JADE2: variants seen among roughly 807,000 people sequenced by gnomAD.
JADE2 encodes jade family PHD finger 2.
JADE2 carries 13 observed loss-of-function variants against 85.7 expected under a neutral mutation model. That is an observed-to-expected ratio of 0.15 (90% confidence interval 0.10 to 0.24). The LOEUF is 0.24. Ranked by LOEUF, JADE2 falls within the 10% of genes least tolerant of loss-of-function variation. The pLI, the probability that JADE2 is intolerant of heterozygous loss-of-function variation, is 1.00. For synonymous variants in JADE2, 440 were observed against 456.1 expected (o/e 0.96, Z 0.45); for missense variants, 846 against 1,115.9 (o/e 0.76, Z 3.45).
intron 4 of JADE2, among the ~76,000 whole-genome samples, chr5:134,555,008 G>A (rs970817236): frequency 2.6e-5 from 4 of 152,182 alleles, no homozygotes; most frequent in Non-Finnish European, 4.4e-5. Flanking sequence ...GGGCCTAGTG[G>A]GCTGGGCCAG....
intron 4 of JADE2, among the ~76,000 whole-genome samples, chr5:134,552,967 C>T (rs1366817713): frequency 2.1e-5 from 3 of 143,258 alleles, no homozygotes; most frequent in Admixed American, 1.5e-4. Flanking sequence ...GGTAGCCAGC[C>T]GTAAGCCTCT....
intron 4 of JADE2, among the ~76,000 whole-genome samples, chr5:134,557,306 A>T: frequency 7.5e-6 from 1 of 132,518 alleles, no homozygotes; most frequent in African/African-American, 2.8e-5. Context: ...GACAGAACCC[A>T]TGCTCTTTAT....
intron 9 of JADE2, among the ~76,000 whole-genome samples, chr5:134,569,094 G>C (rs2150000694): frequency 6.6e-6 from 1 of 152,350 alleles, no homozygotes; most frequent in African/African-American, 2.4e-5. Context: ...TGTAAAATGG[G>C]AATAAGGATC....
chr5:134,552,787 C>G (rs1311586178), intron 4 of JADE2, among the ~76,000 whole-genome samples: 3 of 151,898 alleles, frequency 2.0e-5, no homozygotes, highest in African/African-American at 7.3e-5. Flanking sequence ...GTCCTCCCAC[C>G]TCAGCCTCCC....
rs567920796 is a variant in JADE2, at chr5:134,578,960, C to A, written c.2148C>A (p.Ser716Arg). The change falls in exon 12 of 12, where the codon AGC becomes AGA. Residue 716 changes from serine (S) to arginine (R), a missense_variant. Physicochemically the swap from Ser to Arg is moderately radical, Grantham distance 110. This residue lies in a region of JADE2 where 300 missense variants were observed against 300.7 expected (regional missense o/e 1.00). Transcript: ENST00000681547. The surrounding 1 kb of genome is among the most constrained non-coding windows in gnomAD (Gnocchi z 4.4). ...GDCPILATPE[S>R]PPPLAPETPD... ...GTCCCATCCTAGCCACCCCTGAAAG[C>A]CCCCCGCCACTGGCCCCTGAGACCC... The A allele has an allele frequency of 1.2e-6, 2 of 1,612,746 alleles. No homozygotes were observed. Among genetic ancestry groups the A allele is most frequent in the African/African-American group, 1.3e-5 (1 of 74,950 alleles).
chr5:134,549,095 C>T (rs1201521462), intron 3 of JADE2, among the ~76,000 whole-genome samples: 1 of 152,076 alleles, frequency 6.6e-6, no homozygotes, highest in Non-Finnish European at 1.5e-5. Flanking sequence ...CAATGTGAGT[C>T]GACCAGGTAC....
rs61436069 is a variant in JADE2, at chr5:134,576,739, C to G, written c.1553-29C>G. On this transcript the variant is annotated intron_variant, in intron 10 of 11. Transcript: ENST00000681547. ...CCGAGGCCACTCAGGGTAACCATCT[C>G]CCTCCTCCTCTCACTTTCCCTGACA... The G allele has an allele frequency of 1.2e-4, 192 of 1,550,354 alleles. 1 individual carries two copies. The African/African-American group carries it at 2.2e-3, about 18-fold the overall frequency.
At position 134,581,871 on chromosome 5, in the gene JADE2, G is replaced by A. The variant is rs1764728918; in HGVS notation, c.*2554G>A. The A allele has an allele frequency of 6.6e-6, 1 of 152,416 alleles. No individual in the cohort carries two copies. The highest frequency in any genetic ancestry group is 6.5e-5 in the Admixed American group (1 of 15,290). 9.4% of individuals were successfully genotyped at this position (152,416 alleles called of 1,614,324 possible). ...CAGGATGTCCAGCAGGCTGCAAGGA[G>A]AAGGATGCCAGCCACCCATCCTCCC... is the stretch of plus-strand genomic sequence containing the variant. On this transcript the variant is annotated 3_prime_UTR_variant, in exon 12 of 12. Coordinates refer to ENST00000681547, the MANE Select transcript of JADE2 (RefSeq NM_001388185.1).
chr5:134,569,442 C>G (rs1763855176), intron 9 of JADE2, among the ~76,000 whole-genome samples: 1 of 152,232 alleles, frequency 6.6e-6, no homozygotes, highest in Non-Finnish European at 1.5e-5. Flanking sequence ...CCTTGGGCCT[C>G]GGCCCCAGCG....
chr5:134,533,522 T>C, intron 1 of JADE2: 5 of 985,316 alleles, frequency 5.1e-6, no homozygotes, highest in Non-Finnish European at 6.0e-6. Context: ...AGATGCTGGC[T>C]CGGAAGTACC....
intron 10 of JADE2, chr5:134,574,566 C>T (rs79568328): frequency 0.026 from 3,988 of 152,486 alleles, 160 homozygotes; most frequent in African/African-American, 0.089. Context: ...TGCTGAGCCA[C>T]CGTTGGAGCA....
In JADE2 at chr5:134,560,911, G is replaced by A. The variant is rs762277864; in HGVS notation, c.638G>A (p.Gly213Asp). 6.2e-7 allele frequency: 1 copy of A among 1,614,164 alleles called. No homozygotes were observed. Among genetic ancestry groups the A allele is most frequent in the Non-Finnish European group, 8.5e-7 (1 of 1,180,000 alleles). ...TGTCGCTCTCCTGAGGGCGAGGATGGCAACGAGATGGTCTTCTGTGACAAG... is the reference window on the plus strand; with the variant it reads ...TGTCGCTCTCCTGAGGGCGAGGATGACAACGAGATGGTCTTCTGTGACAAG... ...DVCRSPEGED[G>D]NEMVFCDKCN... Residue 213 changes from glycine (G) to aspartate (D), a missense_variant, in exon 6 of 12, where the codon GGC (glycine) becomes GAC (aspartate). Transcript: ENST00000681547.
intron 4 of JADE2, among the ~76,000 whole-genome samples, chr5:134,557,218 G>T (rs118149126): frequency 0.016 from 2,362 of 149,732 alleles, 37 homozygotes; most frequent in East Asian, 0.056. Flanking sequence ...TGATGATGAT[G>T]ATGATTATTA....
At chr5:134,548,880 A>G (rs1762446010) in intron 3 of JADE2, among the ~76,000 whole-genome samples, 1 of 152,264 alleles carries the variant, frequency 6.6e-6, no homozygotes, top group African/African-American at 2.4e-5. Context: ...GTTCAGGTCC[A>G]TGTGTTTGGG....
intron 10 of JADE2, 178 bp downstream of exon 10, chr5:134,573,940 G>C: frequency 1.5e-6 from 1 of 685,964 alleles, no homozygotes; most frequent in East Asian, 2.7e-5. Flanking sequence ...GGCCTGCAAG[G>C]GTCCTGAGTT....
chr5:134,579,279 G>A lies in JADE2; in HGVS notation c.2467G>A (p.Ala823Thr). 6.2e-7 allele frequency: 1 copy of A among 1,612,830 alleles called. No individual in the cohort carries two copies. Among genetic ancestry groups the A allele is most frequent in the Non-Finnish European group, 8.5e-7 (1 of 1,179,692 alleles). Residue 823 changes from alanine (A) to threonine (T), a missense_variant, in exon 12 of 12, where the codon GCA (alanine) becomes ACA (threonine). Transcript: ENST00000681547. The surrounding 1 kb of genome is among the most constrained non-coding windows in gnomAD (Gnocchi z 4.6). ...GCAGCGGGGTCCCCGGGAGGCAGGGGCAGAGGAGGTGGTCCGCATGGGCGT... is the reference window on the plus strand; with the variant it reads ...GCAGCGGGGTCCCCGGGAGGCAGGGACAGAGGAGGTGGTCCGCATGGGCGT... ...GVQRGPREAG[A>T]EEVVRMGVLA...
rs1763388366 is a variant in JADE2, at chr5:134,562,535, G to A, written c.852+168G>A. Among the ~76,000 whole-genome samples the A allele has an allele frequency of 6.6e-6, 1 of 152,218 alleles. No individual in the cohort carries two copies. Among genetic ancestry groups the A allele is most frequent in the South Asian group, 2.1e-4 (1 of 4,832 alleles). On this transcript the variant is annotated intron_variant, in intron 7 of 11. Coordinates refer to ENST00000681547, the MANE Select transcript of JADE2 (RefSeq NM_001388185.1). The surrounding 1 kb of genome is among the most constrained non-coding windows in gnomAD (Gnocchi z 4.6). Reference sequence around the variant, plus strand: ...CGCCTGTAATCCCAGCATTTTGGGAGGCCGAGGTGGGTGGATCACCTGAGT... The same window carrying A: ...CGCCTGTAATCCCAGCATTTTGGGAAGCCGAGGTGGGTGGATCACCTGAGT...
chr5:134,558,580 C>T (rs931560950), intron 4 of JADE2, among the ~76,000 whole-genome samples: 1 of 152,216 alleles, frequency 6.6e-6, no homozygotes, highest in Non-Finnish European at 1.5e-5. Context: ...CTCTTGTTGC[C>T]CAGGCTGGAG....
intron 1 of JADE2, chr5:134,533,579 A>C: frequency 1.0e-6 from 1 of 985,304 alleles, no homozygotes; most frequent in Non-Finnish European, 1.2e-6. Flanking sequence ...ACAGGATTGC[A>C]AAAGAAAATG....
Sources: allele counts gnomAD v4.1 joint callset (sites outside exome capture counted in the v4.1 genomes callset), GRCh38; gene constraint gnomAD v4.1.1; regional missense constraint gnomAD v4.1.1; non-coding constraint Gnocchi (gnomAD v3.1); transcripts MANE v1.5; gene names NCBI Gene and HGNC (gene_info 2026-07-23, HGNC 2026-07-21).